The following AKT3 variants were observed in gnomAD, a reference collection of about 807,000 sequenced individuals.
The protein encoded by AKT3 is AKT serine/threonine kinase 3.
Under a neutral mutation model 65.3 loss-of-function variants are expected in AKT3, and 15 were observed. The observed-to-expected ratio is 0.23, with a 90% confidence interval of 0.15 to 0.35. The LOEUF is 0.35. AKT3 is among the 10% of genes least tolerant of loss of function. The pLI, the probability that AKT3 is intolerant of heterozygous loss-of-function variation, is 1.00. For synonymous variants in AKT3, 206 were observed against 183.8 expected (o/e 1.12, Z -0.98); for missense variants, 243 against 576.5 (o/e 0.42, Z 5.92).
chr1:243,762,526 G>A (rs148578082), intron 2 of AKT3, among the ~76,000 whole-genome samples: 56 of 152,072 alleles, frequency 3.7e-4, no homozygotes, highest in African/African-American at 1.2e-3. Flanking sequence ...ACTGTTTTCC[G>A]TACTATTAAT....
Position 243,664,778 on chromosome 1 carries a change from T to C in AKT3, c.278A>G (p.Glu93Gly). 6.7e-7 allele frequency: 1 copy of C among 1,492,520 alleles called. No homozygotes were observed. The highest frequency in any genetic ancestry group is 1.4e-5 in the African/African-American group (1 of 69,308). 92.5% of individuals were successfully genotyped at this position (1,492,520 alleles called of 1,614,324 possible). A position where few individuals can be genotyped will look rare whatever the true frequency, so the allele number is the denominator to read the frequency against. The change falls in exon 4 of 14, where the codon GAG becomes GGG. Residue 93 changes from glutamate (E) to glycine (G), a missense_variant. Around this residue, in one of 6 missense-constraint regions of AKT3, gnomAD observed 72 missense variants for 86.0 expected, o/e 0.84. Coordinates refer to ENST00000673466, the MANE Select transcript of AKT3 (RefSeq NM_005465.7). ...AAACAAGTGAATTTCTTACCTTTCCTCTGGAGTATCTACATGAAATGTTCT... is the reference window on the plus strand; with the variant it reads ...AAACAAGTGAATTTCTTACCTTTCCCCTGGAGTATCTACATGAAATGTTCT... ...IERTFHVDTP[E>G]EREEWTEAIQ...
chr1:243,638,883 C>G (rs1308229723), intron 5 of AKT3, among the ~76,000 whole-genome samples: 1 of 149,996 alleles, frequency 6.7e-6, no homozygotes, highest in Non-Finnish European at 1.5e-5. Flanking sequence ...CAGATCAGAG[C>G]AGAAATCAAT....
At chr1:243,743,981 T>C (rs962365128) in intron 2 of AKT3, among the ~76,000 whole-genome samples, 13 of 152,260 alleles carry the variant, frequency 8.5e-5, no homozygotes, top group Non-Finnish European at 1.8e-4. Flanking sequence ...GCACGTTCTA[T>C]GATCCAGCAG....
At chr1:243,776,873 A>G (rs1479842079) in intron 2 of AKT3, among the ~76,000 whole-genome samples, 1 of 152,246 alleles carries the variant, frequency 6.6e-6, no homozygotes, top group Non-Finnish European at 1.5e-5. Flanking sequence ...CGTATATCTA[A>G]TAATAATCAA....
chr1:243,847,673 T>A (rs1239528667), intron 1 of AKT3, among the ~76,000 whole-genome samples: 1 of 152,160 alleles, frequency 6.6e-6, no homozygotes, highest in African/African-American at 2.4e-5. Context: ...AATCAACACG[T>A]TTATTTAGAT....
intron 3 of AKT3, among the ~76,000 whole-genome samples, chr1:243,679,633 G>C (rs1683779771): frequency 6.6e-6 from 1 of 152,166 alleles, no homozygotes; most frequent in Admixed American, 6.6e-5. Context: ...ACAAGGCTGA[G>C]AACACATTTA....
At chr1:243,654,977 A>AT (rs200488290) in intron 4 of AKT3, among the ~76,000 whole-genome samples, 3 of 152,096 alleles carry the variant, frequency 2.0e-5, no homozygotes, top group Non-Finnish European at 4.4e-5. Flanking sequence ...ATCTTTAACT[A>AT]TTTTTTAAAA....
intron 11 of AKT3, among the ~76,000 whole-genome samples, chr1:243,550,583 A>G (rs1672977319): frequency 2.0e-5 from 3 of 152,024 alleles, no homozygotes; most frequent in Admixed American, 1.3e-4. Context: ...GCCTGCAGGA[A>G]TAAGAAAACG....
chr1:243,635,417 A>T (rs1300419802), intron 6 of AKT3, among the ~76,000 whole-genome samples: 1 of 151,964 alleles, frequency 6.6e-6, no homozygotes, highest in Non-Finnish European at 1.5e-5. Context: ...AGGAAAAAAA[A>T]ATAAAGATTA....
intron 6 of AKT3, among the ~76,000 whole-genome samples, chr1:243,628,794 A>G (rs553352981): frequency 1.5e-4 from 23 of 152,344 alleles, no homozygotes; most frequent in Non-Finnish European, 8.8e-5. Context: ...GTCACACTAT[A>G]ACTGACTGAT....
chr1:243,695,461 G>T, intron 3 of AKT3, 130 bp downstream of exon 3: 2 of 763,126 alleles, frequency 2.6e-6, no homozygotes, highest in Non-Finnish European at 3.9e-6. Context: ...TTCTATCAAA[G>T]CTGAAAATTT....
At chr1:243,590,735 G>C (rs907879929) in intron 8 of AKT3, among the ~76,000 whole-genome samples, 1 of 152,008 alleles carries the variant, frequency 6.6e-6, no homozygotes, top group African/African-American at 2.4e-5. Context: ...CTAAAGAATC[G>C]ATATAAATTA....
intron 5 of AKT3, among the ~76,000 whole-genome samples, chr1:243,642,696 G>A (rs1331300567): frequency 6.6e-6 from 1 of 152,082 alleles, no homozygotes; most frequent in Admixed American, 6.5e-5. Flanking sequence ...GAATTTATTG[G>A]GGAAATACTT....
chr1:243,721,169 C>T (rs1686874050), intron 2 of AKT3, among the ~76,000 whole-genome samples: 1 of 152,180 alleles, frequency 6.6e-6, no homozygotes, highest in Admixed American at 6.5e-5. Flanking sequence ...CTTCCCCTCA[C>T]CTTTCTGTCT....
At chr1:243,523,740 T>G (rs1040385884) in intron 12 of AKT3, among the ~76,000 whole-genome samples, 2 of 152,202 alleles carry the variant, frequency 1.3e-5, no homozygotes, top group African/African-American at 4.8e-5. Context: ...TCTGAAATAC[T>G]TCTACCACCT....
intron 9 of AKT3, among the ~76,000 whole-genome samples, chr1:243,571,655 C>T (rs1487247869): frequency 6.6e-6 from 1 of 152,162 alleles, no homozygotes; most frequent in East Asian, 1.9e-4. Flanking sequence ...AAAGTTAACA[C>T]ATTTTGTCAT....
chr1:243,496,613 G>A (rs1032565246), downstream of AKT3, among the ~76,000 whole-genome samples: 3 of 152,320 alleles, frequency 2.0e-5, no homozygotes, highest in Admixed American at 6.5e-5. Flanking sequence ...AGTGAAGTGC[G>A]AAGCCCGGGC....
At chr1:243,750,405 GTA>G (rs1688729897) in intron 2 of AKT3, among the ~76,000 whole-genome samples, 2 of 77,842 alleles carry the variant, frequency 2.6e-5, no homozygotes, top group East Asian at 3.5e-4. Context: ...ATGCATGCAC[GTA>G]TACACACACA....
chr1:243,645,205 T>TA (rs773496626), intron 5 of AKT3, among the ~76,000 whole-genome samples: 2 of 152,176 alleles, frequency 1.3e-5, no homozygotes, highest in Non-Finnish European at 2.9e-5. Flanking sequence ...TTACAACCTA[T>TA]TAAATCAAAC....
Sources: allele counts gnomAD v4.1 joint callset (sites outside exome capture counted in the v4.1 genomes callset), GRCh38; gene constraint gnomAD v4.1.1; regional missense constraint gnomAD v4.1.1; transcripts MANE v1.5; gene names NCBI Gene and HGNC (gene_info 2026-07-23, HGNC 2026-07-21).